The following ADGRD1 variants were observed in gnomAD, a reference collection of about 807,000 sequenced individuals.
ADGRD1 encodes the protein G-protein coupled receptor 133.
In ADGRD1, 77 loss-of-function variants were observed where a neutral mutation model predicts 113.4. The ratio of observed to expected loss-of-function variants is 0.68; its 90% CI spans 0.57 to 0.82. The LOEUF (loss-of-function observed/expected upper bound fraction) is 0.82. Among genes scored for constraint, ADGRD1 ranks in the 40% least tolerant of loss-of-function variants. ADGRD1 has a pLI of 0.00. For synonymous variants in ADGRD1, 474 were observed against 475.0 expected (o/e 1.00, Z 0.03); for missense variants, 1,036 against 1,139.1 (o/e 0.91, Z 1.30).
chr12:131,013,640 G>T (rs1287321742), intron 12 of ADGRD1, among the ~76,000 whole-genome samples: 1 of 152,218 alleles, frequency 6.6e-6, no homozygotes, highest in Non-Finnish European at 1.5e-5. Context: ...TGGGCTGTGA[G>T]CGGGGAAGGG....
intron 13 of ADGRD1, among the ~76,000 whole-genome samples, chr12:131,042,461 T>A (rs1199978312): frequency 6.6e-6 from 1 of 152,206 alleles, no homozygotes; most frequent in Non-Finnish European, 1.5e-5. Flanking sequence ...AATGAATGAA[T>A]GAAGTAGACA....
chr12:130,997,179 G>C (rs1448013476), intron 8 of ADGRD1, among the ~76,000 whole-genome samples: 2 of 129,870 alleles, frequency 1.5e-5, no homozygotes, highest in African/African-American at 3.0e-5. Context: ...CTTGCCGGGC[G>C]GGGGGCTGAC....
intron 8 of ADGRD1, among the ~76,000 whole-genome samples, chr12:130,996,491 G>A (rs1383208209): frequency 1.7e-5 from 2 of 117,924 alleles, no homozygotes; most frequent in African/African-American, 3.2e-5. Flanking sequence ...GGGCAGAGGC[G>A]CCCCTCACCT....
chr12:131,074,863 G>A (rs535493975), intron 13 of ADGRD1, among the ~76,000 whole-genome samples: 4 of 152,164 alleles, frequency 2.6e-5, no homozygotes, highest in African/African-American at 9.7e-5. Flanking sequence ...CCCACCCTCC[G>A]ACCACACACA....
intron 21 of ADGRD1, among the ~76,000 whole-genome samples, chr12:131,132,214 C>T (rs1037912191): frequency 2.6e-5 from 4 of 152,178 alleles, no homozygotes; most frequent in African/African-American, 7.2e-5. Context: ...GCCTTCCTCA[C>T]GTGCAGAACG....
intron 15 of ADGRD1, among the ~76,000 whole-genome samples, chr12:131,091,080 C>T (rs533297057): frequency 2.0e-5 from 3 of 152,276 alleles, no homozygotes; most frequent in African/African-American, 7.2e-5. Context: ...CCAACTGCTC[C>T]ACTCCCCAGG....
intron 13 of ADGRD1, among the ~76,000 whole-genome samples, chr12:131,062,357 A>G (rs546524140): frequency 1.3e-5 from 2 of 152,280 alleles, no homozygotes; most frequent in South Asian, 4.1e-4. Flanking sequence ...GCTTCTGACT[A>G]TTACTAATAA....
intron 13 of ADGRD1, among the ~76,000 whole-genome samples, chr12:131,036,212 C>G (rs960846008): frequency 1.3e-5 from 2 of 151,956 alleles, no homozygotes; most frequent in African/African-American, 4.8e-5. Flanking sequence ...GGGGTCTTAA[C>G]CACTGCACCG....
chr12:130,976,985 C>T (rs1048088019), intron 4 of ADGRD1: 2 of 152,270 alleles, frequency 1.3e-5, no homozygotes, highest in Non-Finnish European at 2.9e-5. Flanking sequence ...ATGATTGCAC[C>T]ACTGCACTCC....
intron 13 of ADGRD1, among the ~76,000 whole-genome samples, chr12:131,064,588 C>T (rs551062990): frequency 2.0e-5 from 3 of 152,108 alleles, no homozygotes; most frequent in Non-Finnish European, 4.4e-5. Flanking sequence ...CTTCATGGGC[C>T]ATGTGAATAT....
rs867969398 is a variant in ADGRD1 at position 131,006,115 on chromosome 12, G to A, written c.1331+68G>A. On this transcript the variant is annotated intron_variant, in intron 12 of 24. Transcript: ENST00000261654. ...GGGTTTGCTGGGTGGCTGGCCACAG[G>A]GATGCCCGCCCCACACGCACAACAC... 37 of 1,302,038 alleles carry A rather than the reference G, an allele frequency of 2.8e-5. No homozygotes were observed. The Middle Eastern group carries it at 3.7e-3, about 129-fold the overall frequency. The allele number at this position is 1,302,038 out of a possible 1,614,324, so 80.7% of individuals were successfully genotyped here.
chr12:131,108,631 A>T, intron 17 of ADGRD1, 93 bp from the exon 18 acceptor site: 1 of 1,553,798 alleles, frequency 6.4e-7, no homozygotes, highest in Non-Finnish European at 8.8e-7. Context: ...CCAAAAGACC[A>T]CCCAGGACAT....
rs114179898 is a variant in ADGRD1 at position 131,126,026 on chromosome 12, G to A, written c.2175+5113G>A. On this transcript the variant is annotated intron_variant, in intron 20 of 24. Coordinates refer to ENST00000261654, the MANE Select transcript of ADGRD1 (RefSeq NM_198827.5). ...CTTCCTAAGTTAGGAACTGCCTGTA[G>A]ATACATGTAGATACTGATACATAGA... Among the ~76,000 whole-genome samples, 492 of 152,316 alleles carry A rather than the reference G, an allele frequency of 3.2e-3. 3 individuals are homozygous for A. The highest frequency in any genetic ancestry group is 0.011 in the African/African-American group (473 of 41,558).
chr12:131,097,138 G>C, intron 15 of ADGRD1, among the ~76,000 whole-genome samples: 1 of 152,294 alleles, frequency 6.6e-6, no homozygotes, highest in South Asian at 2.1e-4. Flanking sequence ...GCAATTCCCT[G>C]AGTCAAATGT....
intron 13 of ADGRD1, among the ~76,000 whole-genome samples, chr12:131,073,594 C>G (rs1885345845): frequency 1.3e-5 from 2 of 152,228 alleles, no homozygotes; most frequent in South Asian, 4.1e-4. Context: ...AACTGTACAC[C>G]TAGTCCATTT....
intron 15 of ADGRD1, among the ~76,000 whole-genome samples, chr12:131,091,712 AG>A (rs5801950): frequency 0.17 from 25,218 of 152,128 alleles, 2,224 homozygotes; most frequent in Middle Eastern, 0.25. Flanking sequence ...CGGGGCGAGG[AG>A]GGGGCCACAG....
intron 14 of ADGRD1, among the ~76,000 whole-genome samples, chr12:131,080,865 C>G (rs1004234913): frequency 5.3e-5 from 8 of 152,186 alleles, no homozygotes; most frequent in African/African-American, 1.7e-4. Flanking sequence ...CGTGATCCGC[C>G]CGCCTCGGCC....
intron 12 of ADGRD1, 113 bp from the exon 13 acceptor site, chr12:131,014,086 G>A (rs926545842): frequency 3.1e-5 from 32 of 1,048,038 alleles, no homozygotes; most frequent in Non-Finnish European, 4.4e-5. Context: ...TTCATCCAAA[G>A]AAGATTTCCG....
At chr12:131,136,898 C>T in intron 22 of ADGRD1, 75 bp from the exon 23 acceptor site, 1 of 1,209,776 alleles carries the variant, frequency 8.3e-7, no homozygotes. Context: ...TCCCAGGCTG[C>T]ATGGGAGGAA....
Sources: gnomAD v4.1 joint callset for allele counts (sites outside exome capture counted in the v4.1 genomes callset) on GRCh38, gnomAD v4.1.1 for gene constraint, MANE v1.5 for transcripts, NCBI Gene and HGNC (gene_info 2026-07-23, HGNC 2026-07-21) for gene names.